RAB20: variants seen among roughly 807,000 people sequenced by gnomAD.
RAB20 encodes the protein ras-related protein Rab-20.
RAB20 carries 2 observed loss-of-function variants against 3.7 expected under a neutral mutation model. That is an observed-to-expected ratio of 0.54 (90% CI 0.22 to 1.69). The LOEUF (loss-of-function observed/expected upper bound fraction) is 1.69, where lower values mean the gene tolerates loss of function less well. Among genes scored for constraint, RAB20 ranks in the 40% most tolerant of loss-of-function variants. The pLI, the probability that RAB20 is intolerant of heterozygous loss-of-function variation, is 0.19. For synonymous variants in RAB20, 126 were observed against 130.8 expected, an observed-to-expected ratio of 0.96 and a Z score of 0.25; for missense variants, 276 against 311.9, an observed-to-expected ratio of 0.88 and a Z score of 0.87.
At chr13:110,545,126 C>T (rs952946968) in intron 1 of RAB20, among the ~76,000 whole-genome samples, 2 of 152,016 alleles carry the variant, frequency 1.3e-5, no homozygotes, top group African/African-American at 4.8e-5. Flanking sequence ...TTCCCAGTCT[C>T]GGTTATGTCT....
intron 1 of RAB20, among the ~76,000 whole-genome samples, chr13:110,534,687 C>G (rs1884607781): frequency 2.0e-5 from 3 of 152,160 alleles, no homozygotes; most frequent in African/African-American, 7.2e-5. Flanking sequence ...AGGGGGCTTC[C>G]TAGCAGGCTT....
rs1025991964 is a variant in RAB20 at position 110,555,865 on chromosome 13, T to C, written c.172+5483A>G. Among the ~76,000 whole-genome samples the C allele has an allele frequency of 6.6e-6, 1 of 152,176 alleles. No individual in the cohort carries two copies. The highest frequency in any genetic ancestry group is 6.5e-5 in the Admixed American group (1 of 15,272). ...CCTCTCGCCGTGGCCTCCCCATTTA[T>C]TAGAGACTTGTTTGCTAGGGGCCCA... On this transcript the variant is annotated intron_variant, in intron 1 of 1. Coordinates refer to ENST00000267328, the MANE Select transcript of RAB20 (RefSeq NM_017817.3). This position sits in a 1 kb window ranked among gnomAD's most constrained non-coding sequence, Gnocchi z 4.0.
intron 1 of RAB20, among the ~76,000 whole-genome samples, chr13:110,545,416 C>T (rs1041326321): frequency 2.0e-5 from 3 of 152,246 alleles, no homozygotes; most frequent in Non-Finnish European, 2.9e-5. Context: ...TTCCTCACAG[C>T]AAGTGTTAGA....
At chr13:110,548,454 A>C (rs535786017) in intron 1 of RAB20, among the ~76,000 whole-genome samples, 1 of 150,798 alleles carries the variant, frequency 6.6e-6, no homozygotes, top group East Asian at 2.0e-4. Flanking sequence ...ACTGTACTCC[A>C]GCCTGGGCAA....
chr13:110,542,058 T>C (rs1317880787), intron 1 of RAB20, among the ~76,000 whole-genome samples: 1 of 152,132 alleles, frequency 6.6e-6, no homozygotes, highest in Non-Finnish European at 1.5e-5. Flanking sequence ...GGTTTTGTTT[T>C]TGTTTTGTTT....
At chr13:110,537,910 G>A (rs187515294) in intron 1 of RAB20, among the ~76,000 whole-genome samples, 1 of 152,216 alleles carries the variant, frequency 6.6e-6, no homozygotes, top group Non-Finnish European at 1.5e-5. Flanking sequence ...GCAGAGCCCA[G>A]GGCTCCTATT....
intron 1 of RAB20, among the ~76,000 whole-genome samples, chr13:110,541,840 A>T (rs1429508767): frequency 6.7e-6 from 1 of 149,488 alleles, no homozygotes; most frequent in Non-Finnish European, 1.5e-5. Context: ...ACACACACAC[A>T]CTCTCACATA....
intron 1 of RAB20, among the ~76,000 whole-genome samples, chr13:110,544,915 G>A (rs7998064): frequency 0.33 from 49,457 of 152,044 alleles, 8,154 homozygotes; most frequent in East Asian, 0.41. Context: ...TTGAATCATG[G>A]GGGCATAGTC....
At chr13:110,536,584 C>T (rs901594787) in intron 1 of RAB20, among the ~76,000 whole-genome samples, 5 of 152,130 alleles carry the variant, frequency 3.3e-5, no homozygotes, top group African/African-American at 1.2e-4. Flanking sequence ...CCGGAGAACA[C>T]TGAACTCAGA....
chr13:110,544,534 A>G (rs1376794325), intron 1 of RAB20, among the ~76,000 whole-genome samples: 1 of 152,260 alleles, frequency 6.6e-6, no homozygotes, highest in Non-Finnish European at 1.5e-5. Context: ...TTTTCCAAAA[A>G]GGGCAAAATC....
At chr13:110,530,000 C>T (rs958358815) in intron 1 of RAB20, among the ~76,000 whole-genome samples, 1 of 152,226 alleles carries the variant, frequency 6.6e-6, no homozygotes, top group South Asian at 2.1e-4. Flanking sequence ...TGATCAGCCA[C>T]ACTGTTGGAC....
intron 1 of RAB20, among the ~76,000 whole-genome samples, chr13:110,534,291 C>A (rs9521822): frequency 0.41 from 61,767 of 152,048 alleles, 13,044 homozygotes; most frequent in African/African-American, 0.53. Context: ...GTCTGTTTCT[C>A]TGGGGAAGCC....
intron 1 of RAB20, among the ~76,000 whole-genome samples, chr13:110,550,392 A>C (rs1594137835): frequency 6.6e-6 from 1 of 152,064 alleles, no homozygotes; most frequent in Non-Finnish European, 1.5e-5. Flanking sequence ...GGTCGTGGGA[A>C]CCCCCACCTG....
At chr13:110,546,857 C>T (rs1369896229) in intron 1 of RAB20, among the ~76,000 whole-genome samples, 4 of 152,110 alleles carry the variant, frequency 2.6e-5, no homozygotes, top group East Asian at 1.9e-4. Context: ...CCCACCTCAG[C>T]CTCCCCAGTA....
At chr13:110,535,764 G>A (rs1276860844) in intron 1 of RAB20, among the ~76,000 whole-genome samples, 1 of 152,240 alleles carries the variant, frequency 6.6e-6, no homozygotes, top group Non-Finnish European at 1.5e-5. Flanking sequence ...ACCACACCAT[G>A]CTCTCAGCCC....
Position 110,555,886 on chromosome 13 carries a change from G to A in RAB20, c.172+5462C>T, listed in dbSNP as rs961295743. ...TTTATTAGAGACTTGTTTGCTAGGG[G>A]CCCAGCTGAGCCTCCCTCCTCCCTT... On this transcript the variant is annotated intron_variant, in intron 1 of 1. Coordinates refer to ENST00000267328, the MANE Select transcript of RAB20 (RefSeq NM_017817.3). This position sits in a 1 kb window ranked among gnomAD's most constrained non-coding sequence, Gnocchi z 4.0. Among the ~76,000 whole-genome samples, 1 of 152,148 alleles carries A rather than the reference G, an allele frequency of 6.6e-6. No homozygotes were observed. Among genetic ancestry groups the A allele is most frequent in the East Asian group, 1.9e-4 (1 of 5,188 alleles).
At chr13:110,552,494 C>A (rs1443237033) in intron 1 of RAB20, among the ~76,000 whole-genome samples, 1 of 151,736 alleles carries the variant, frequency 6.6e-6, no homozygotes, top group African/African-American at 2.4e-5. Flanking sequence ...GAGATCGAGA[C>A]CATCCTGGCT....
intron 1 of RAB20, among the ~76,000 whole-genome samples, chr13:110,539,856 G>A (rs966684532): frequency 4.6e-5 from 7 of 152,112 alleles, no homozygotes; most frequent in Non-Finnish European, 8.8e-5. Flanking sequence ...CACCGCGCCC[G>A]GCCACATCAA....
At chr13:110,538,014 C>T (rs927060806) in intron 1 of RAB20, among the ~76,000 whole-genome samples, 1 of 152,108 alleles carries the variant, frequency 6.6e-6, no homozygotes, top group Non-Finnish European at 1.5e-5. Context: ...CCAAGCCAGG[C>T]GGATCGTTTC....
Sources: gnomAD v4.1 joint callset for allele counts (sites outside exome capture counted in the v4.1 genomes callset) on GRCh38, gnomAD v4.1.1 for gene constraint, Gnocchi (gnomAD v3.1) non-coding constraint, MANE v1.5 for transcripts, NCBI Gene and HGNC (gene_info 2026-07-23, HGNC 2026-07-21) for gene names.